GTPBP1: variants seen among roughly 807,000 people sequenced by gnomAD.
GTPBP1 encodes the protein GTP binding protein 1.
GTPBP1 carries 23 observed loss-of-function variants against 62.0 expected under a neutral mutation model. The observed-to-expected ratio is 0.37, with a 90% CI of 0.27 to 0.53. The LOEUF (loss-of-function observed/expected upper bound fraction) is 0.53, where lower values mean the gene tolerates loss of function less well. Among genes scored for constraint, GTPBP1 ranks in the 20% least tolerant of loss-of-function variants. GTPBP1 has a pLI of 0.89. For missense variants in GTPBP1, 640 were observed against 917.3 expected, an observed-to-expected ratio of 0.70 and a Z score of 3.90; for synonymous variants, 344 against 364.4, an observed-to-expected ratio of 0.94 and a Z score of 0.64.
chr22:38,726,513 C>A lies in GTPBP1; in HGVS notation c.1401+73C>A. 2 of 1,276,458 alleles carry A rather than the reference C, an allele frequency of 1.6e-6. No individual in the cohort carries two copies. The highest frequency in any genetic ancestry group is 1.3e-5 in the South Asian group (1 of 78,564). The allele number at this position is 1,276,458 out of a possible 1,614,324, so 79.1% of individuals were successfully genotyped here. A position where few individuals can be genotyped will look rare whatever the true frequency, so the allele number is the denominator to read the frequency against. ...GGCTCTTGGCCAGATGCCCTGCTCA[C>A]CCACTCTAGTCCTCATGGCTGCTCT... On this transcript the variant is annotated intron_variant, in intron 8 of 11. Transcript: ENST00000216044. This position sits in a 1 kb window ranked among gnomAD's most constrained non-coding sequence, Gnocchi z 4.1.
At chr22:38,738,973 C>G (rs139325445), downstream of GTPBP1, 1 of 1,611,336 alleles carries the variant, frequency 6.2e-7, no homozygotes, top group Non-Finnish European at 8.5e-7. This position sits in a 1 kb window ranked among gnomAD's most constrained non-coding sequence, Gnocchi z 6.6. Flanking sequence ...ACATCGGGTG[C>G]TGATGACGCT....
chr22:38,741,395 C>T, downstream of GTPBP1: 12 of 1,268,672 alleles, frequency 9.5e-6, 1 homozygote, highest in South Asian at 1.1e-4. Flanking sequence ...CCATGCAACA[C>T]CCAAACAGTC....
downstream of GTPBP1, chr22:38,735,397 CTCT>C (rs1344325253): frequency 8.4e-6 from 3 of 359,180 alleles, no homozygotes; most frequent in Non-Finnish European, 1.6e-5. Flanking sequence ...ATGCTCCCCA[CTCT>C]TCTTGCTATA....
chr22:38,740,027 T>C (rs545236616), downstream of GTPBP1: 1 of 1,472,864 alleles, frequency 6.8e-7, no homozygotes, highest in East Asian at 2.3e-5. This position sits in a 1 kb window ranked among gnomAD's most constrained non-coding sequence, Gnocchi z 4.8. Context: ...CTTAGCTGGA[T>C]AGCAGGGATA....
chr22:38,724,636 G>A (rs192729023), intron 6 of GTPBP1, among the ~76,000 whole-genome samples: 27 of 152,328 alleles, frequency 1.8e-4, no homozygotes, highest in Middle Eastern at 6.8e-3. Context: ...AACCCAGATT[G>A]TGAGGTGCTG....
rs1569287292 is a variant in GTPBP1, at chr22:38,731,009, A to AG, written c.*305_*306insG. 5 of 216,242 alleles carry AG rather than the reference A, an allele frequency of 2.3e-5. No individual in the cohort carries two copies. The highest frequency in any genetic ancestry group is 1.7e-4 in the Admixed American group (2 of 11,842). The allele number at this position is 216,242 out of a possible 1,614,324, so 13.4% of individuals were successfully genotyped here. The stretch of plus-strand genomic sequence containing the variant: ...TTATTATATGTCTCTGTCTCTCTCT[A>AG]TTGTGTGTGTGTGTGTGTGTGTGTG... On this transcript the variant is annotated 3_prime_UTR_variant, in exon 12 of 12. Coordinates refer to ENST00000216044, the MANE Select transcript of GTPBP1 (RefSeq NM_004286.5).
chr22:38,729,790 G>A (rs1332391266), intron 11 of GTPBP1, 128 bp downstream of exon 11: 3 of 579,572 alleles, frequency 5.2e-6, no homozygotes, highest in East Asian at 6.8e-5. Context: ...CTCTGGCACT[G>A]AAGTGCTCCT....
At chr22:38,741,039 A>G, downstream of GTPBP1, 1 of 1,598,072 alleles carries the variant, frequency 6.3e-7, no homozygotes, top group Non-Finnish European at 8.5e-7. Flanking sequence ...GCTGGATGCG[A>G]GCCTCGGACT....
downstream of GTPBP1, chr22:38,739,636 C>G: frequency 6.7e-7 from 1 of 1,501,294 alleles, no homozygotes; most frequent in Non-Finnish European, 9.1e-7. The surrounding 1 kb of genome is among the most constrained non-coding windows in gnomAD (Gnocchi z 6.7). Flanking sequence ...TGGAACCTGC[C>G]AGGGAGCTGG....
chr22:38,722,429 G>A (rs924166371), intron 5 of GTPBP1, among the ~76,000 whole-genome samples: 1 of 152,182 alleles, frequency 6.6e-6, no homozygotes, highest in African/African-American at 2.4e-5. Context: ...GCTCCACTTT[G>A]TTGTAGGCAA....
intron 4 of GTPBP1, among the ~76,000 whole-genome samples, chr22:38,719,764 T>A (rs2092689632): frequency 6.6e-6 from 1 of 151,914 alleles, no homozygotes; most frequent in Non-Finnish European, 1.5e-5. Context: ...GCCTGTCTCC[T>A]ACTGTTTTTA....
chr22:38,741,849 A>G (rs1277680556), downstream of GTPBP1, among the ~76,000 whole-genome samples: 3 of 152,176 alleles, frequency 2.0e-5, no homozygotes, highest in Non-Finnish European at 2.9e-5. Flanking sequence ...AGGCTTAGAG[A>G]AGGTGAGGAG....
chr22:38,706,313 C>T (rs2092604079), intron 1 of GTPBP1, among the ~76,000 whole-genome samples, 166 bp downstream of exon 1: 1 of 152,184 alleles, frequency 6.6e-6, no homozygotes, highest in African/African-American at 2.4e-5. Flanking sequence ...CGGGGGTTCG[C>T]GGCGCGAGGG....
At chr22:38,735,086 G>C, downstream of GTPBP1, 1 of 331,968 alleles carries the variant, frequency 3.0e-6, no homozygotes, top group Non-Finnish European at 5.9e-6. Flanking sequence ...TAGCTTTTCA[G>C]TTAGAAAAAC....
At chr22:38,735,439 G>T, downstream of GTPBP1, 1 of 324,064 alleles carries the variant, frequency 3.1e-6, no homozygotes, top group South Asian at 2.3e-5. Context: ...CCCAAAGACA[G>T]GTCTAGGTCT....
chr22:38,740,996 G>C, downstream of GTPBP1: 1 of 1,588,278 alleles, frequency 6.3e-7, no homozygotes. This position sits in a 1 kb window ranked among gnomAD's most constrained non-coding sequence, Gnocchi z 4.8. Context: ...CCAGCTGGTG[G>C]CGCCCAGTAC....
Position 38,705,969 on chromosome 22 carries a change from G to A in GTPBP1, c.14G>A (p.Arg5His). ...AAGTTATTAAAGATGGCGACGGAGC[G>A]CAGTCGCTCCGCGATGGACTCGCCG... MATERSRSAMDSPVP... is the reference protein window; with the variant it reads MATEHSRSAMDSPVP... The change falls in exon 1 of 12, where the codon CGC becomes CAC. Residue 5 changes from arginine to histidine, a missense_variant. Coordinates refer to ENST00000216044, the MANE Select transcript of GTPBP1 (RefSeq NM_004286.5). The A allele has an allele frequency of 2.8e-6, 4 of 1,445,106 alleles. No homozygotes were observed. Among genetic ancestry groups the A allele is most frequent in the East Asian group, 3.0e-5 (1 of 33,578 alleles). 89.5% of individuals were successfully genotyped at this position (1,445,106 alleles called of 1,614,324 possible).
At chr22:38,740,221 A>G (rs1569296410), downstream of GTPBP1, 1 of 1,494,838 alleles carries the variant, frequency 6.7e-7, no homozygotes, top group Admixed American at 2.3e-5. This position sits in a 1 kb window ranked among gnomAD's most constrained non-coding sequence, Gnocchi z 4.8. Flanking sequence ...CGTCGTCTCA[A>G]AGGAGGAGGA....
chr22:38,728,532 G>A (rs923483814), intron 10 of GTPBP1: 6 of 255,310 alleles, frequency 2.4e-5, no homozygotes, highest in Admixed American at 1.8e-4. Flanking sequence ...AAGTGCAGGG[G>A]GTTATGGGCG....
Sources: gnomAD v4.1 joint callset for allele counts (sites outside exome capture counted in the v4.1 genomes callset) on GRCh38, gnomAD v4.1.1 for gene constraint, Gnocchi (gnomAD v3.1) non-coding constraint, MANE v1.5 for transcripts, NCBI Gene and HGNC (gene_info 2026-07-23, HGNC 2026-07-21) for gene names.